CDH12: variants seen among roughly 807,000 people sequenced by gnomAD.
CDH12 encodes the protein cadherin 12, also known as cadherin-12.
CDH12 carries 41 observed loss-of-function variants against 74.1 expected under a neutral mutation model. The observed-to-expected ratio is 0.55, with a 90% confidence interval of 0.43 to 0.72. The LOEUF is 0.72. CDH12 is among the 30% of genes least tolerant of loss of function. CDH12 has a pLI of 0.00. For missense variants in CDH12, 945 were observed against 977.2 expected (o/e 0.97, Z 0.44); for synonymous variants, 399 against 355.0 (o/e 1.12, Z -1.39).
chr5:22,314,939 GTCTTTTTTTTTTT>G (rs1561305811), intron 3 of CDH12, among the ~76,000 whole-genome samples: 3 of 73,614 alleles, frequency 4.1e-5, no homozygotes, highest in Admixed American at 3.4e-4. Context: ...CCCTGGGTTG[GTCTTTTTTTTTTT>G]TTTTTTTTTT....
intron 1 of CDH12, among the ~76,000 whole-genome samples, chr5:22,562,814 A>T (rs1383697388): frequency 4.0e-5 from 6 of 150,246 alleles, no homozygotes; most frequent in Admixed American, 2.7e-4. Flanking sequence ...ATAATCTATT[A>T]TGTTATGAAA....
intron 10 of CDH12, among the ~76,000 whole-genome samples, chr5:21,795,646 C>T (rs535692774): frequency 6.6e-6 from 1 of 152,022 alleles, no homozygotes; most frequent in African/African-American, 2.4e-5. Flanking sequence ...ATTTAATTCT[C>T]ACAAAAATCT....
intron 2 of CDH12, among the ~76,000 whole-genome samples, chr5:22,407,645 C>T (rs182420272): frequency 2.7e-4 from 41 of 152,206 alleles, no homozygotes; most frequent in Admixed American, 1.9e-3. Flanking sequence ...CATCATCTTT[C>T]ACCAGCTACC....
At chr5:22,601,740 A>C (rs1381104656) in intron 1 of CDH12, among the ~76,000 whole-genome samples, 1 of 152,078 alleles carries the variant, frequency 6.6e-6, no homozygotes. Flanking sequence ...TGAAAAATCA[A>C]ATGAATCTAG....
At chr5:22,627,282 T>C (rs1449507363) in intron 1 of CDH12, among the ~76,000 whole-genome samples, 1 of 151,904 alleles carries the variant, frequency 6.6e-6, no homozygotes, top group African/African-American at 2.4e-5. Context: ...CCAAGACACG[T>C]AGTCATCAGA....
intron 1 of CDH12, among the ~76,000 whole-genome samples, chr5:22,570,378 C>T (rs559722554): frequency 6.6e-5 from 10 of 152,120 alleles, no homozygotes; most frequent in South Asian, 2.1e-4. Context: ...TCATAATATT[C>T]GAAACTCAAA....
At chr5:21,768,703 C>T (rs558946177) in intron 11 of CDH12, among the ~76,000 whole-genome samples, 32 of 151,964 alleles carry the variant, frequency 2.1e-4, no homozygotes, top group Non-Finnish European at 3.8e-4. Flanking sequence ...ATGAGGAATT[C>T]TATCAAATAT....
At chr5:22,000,812 A>G (rs1736561210) in intron 5 of CDH12, among the ~76,000 whole-genome samples, 3 of 152,252 alleles carry the variant, frequency 2.0e-5, no homozygotes, top group East Asian at 3.9e-4. Context: ...TTCAGCTGCA[A>G]AAGGGTACTT....
intron 4 of CDH12, among the ~76,000 whole-genome samples, chr5:22,095,236 A>G (rs1743683598): frequency 1.3e-5 from 2 of 152,100 alleles, no homozygotes; most frequent in Non-Finnish European, 2.9e-5. Flanking sequence ...CACTTCTCCA[A>G]CGTCTCTCAC....
chr5:22,848,964 G>A (rs1245490603), intron 1 of CDH12, among the ~76,000 whole-genome samples: 2 of 151,606 alleles, frequency 1.3e-5, no homozygotes, highest in South Asian at 4.2e-4. Context: ...TCTTCAGAGT[G>A]AGGACTCACA....
At chr5:22,013,936 A>T (rs4334842) in intron 5 of CDH12, among the ~76,000 whole-genome samples, 34,228 of 152,064 alleles carry the variant, frequency 0.23, 3,984 homozygotes, top group South Asian at 0.33. Context: ...ATAAAAATGA[A>T]CAAATAGAGG....
chr5:22,386,650 C>T (rs1463689697), intron 3 of CDH12, among the ~76,000 whole-genome samples: 3 of 151,736 alleles, frequency 2.0e-5, no homozygotes, highest in African/African-American at 7.3e-5. Context: ...GGAAAAAAAT[C>T]ATTATTTAAA....
chr5:22,193,539 C>T (rs1016022470), intron 4 of CDH12, among the ~76,000 whole-genome samples: 12 of 152,036 alleles, frequency 7.9e-5, no homozygotes, highest in African/African-American at 2.9e-4. Flanking sequence ...TCAACCTGTT[C>T]CTTGAATGGG....
chr5:22,386,084 G>T (rs1419502423), intron 3 of CDH12, among the ~76,000 whole-genome samples: 1 of 151,872 alleles, frequency 6.6e-6, no homozygotes, highest in African/African-American at 2.4e-5. Context: ...TAGAGATGAG[G>T]TTTCACCATG....
intron 6 of CDH12, among the ~76,000 whole-genome samples, chr5:21,876,307 T>C (rs1403517568): frequency 6.6e-6 from 1 of 152,170 alleles, no homozygotes; most frequent in Non-Finnish European, 1.5e-5. Context: ...GATAACTACT[T>C]AGCATTCTTT....
intron 8 of CDH12, among the ~76,000 whole-genome samples, chr5:21,826,048 G>A (rs1351130519): frequency 6.6e-6 from 1 of 152,126 alleles, no homozygotes; most frequent in Non-Finnish European, 1.5e-5. Flanking sequence ...CTTTACAAAC[G>A]TGGTCAAGAA....
chr5:22,666,438 C>T (rs1022472772), intron 1 of CDH12, among the ~76,000 whole-genome samples: 2 of 151,828 alleles, frequency 1.3e-5, no homozygotes, highest in African/African-American at 4.8e-5. Flanking sequence ...TACAGGCGCC[C>T]GCCACTACGC....
chr5:21,762,493 A>G (rs1221047015), intron 12 of CDH12, among the ~76,000 whole-genome samples: 1 of 152,138 alleles, frequency 6.6e-6, no homozygotes, highest in Non-Finnish European at 1.5e-5. Flanking sequence ...AACAGAACAT[A>G]TATACATTTC....
intron 1 of CDH12, among the ~76,000 whole-genome samples, chr5:22,740,607 A>AT (rs1744979803): frequency 6.6e-6 from 1 of 152,086 alleles, no homozygotes; most frequent in African/African-American, 2.4e-5. Flanking sequence ...TATTATGAGT[A>AT]TTTTTAGGAC....
Sources: allele counts gnomAD v4.1 joint callset (sites outside exome capture counted in the v4.1 genomes callset), GRCh38; gene constraint gnomAD v4.1.1; transcripts MANE v1.5; gene names NCBI Gene and HGNC (gene_info 2026-07-23, HGNC 2026-07-21).